Variants in TP53RK observed in about 807,000 individuals in gnomAD.
TP53RK encodes EKC/KEOPS complex subunit TP53RK.
TP53RK carries 17 observed loss-of-function variants against 14.9 expected under a neutral mutation model. The ratio of observed to expected loss-of-function variants is 1.14; its 90% CI spans 0.78 to 1.71. The LOEUF is 1.71. TP53RK is among the 40% of genes most tolerant of loss of function. The pLI is 0.00. For synonymous variants in TP53RK, 131 were observed against 138.0 expected (o/e 0.95, Z 0.36); for missense variants, 343 against 332.0 (o/e 1.03, Z -0.26).
rs1483639297 is a variant in TP53RK at position 46,689,415 on chromosome 20, G to A, written c.-1C>T. On this transcript the variant is annotated 5_prime_UTR_variant, in exon 1 of 2. Transcript: ENST00000372114. ...GCGTAGTAGCTCTGGCCGCCGCCAT[G>A]ACTGCTCGGCGCAACAGCTCCAACC... The A allele has an allele frequency of 3.9e-6, 6 of 1,552,946 alleles. No homozygotes were observed. The highest frequency in any genetic ancestry group is 2.3e-5 in the East Asian group (1 of 43,248).
Position 46,685,655 on chromosome 20 carries a change from T to A in TP53RK, c.*1098A>T, listed in dbSNP as rs1020389579. 2 of 152,232 alleles carry A rather than the reference T, an allele frequency of 1.3e-5. No homozygotes were observed. Among genetic ancestry groups the A allele is most frequent in the Admixed American group, 1.3e-4 (2 of 15,280 alleles). 9.4% of individuals were successfully genotyped at this position (152,232 alleles called of 1,614,324 possible). On this transcript the variant is annotated 3_prime_UTR_variant, in exon 2 of 2. Transcript: ENST00000372114. ...AATATTCTTACAAAAGGACAGGCGC[T>A]GTGTCTGTCTGGCTCACCATTGTAC...
chr20:46,689,389 G>A lies in TP53RK; in HGVS notation c.26C>T (p.Pro9Leu), dbSNP rs956883915. Residue 9 changes from proline to leucine, a missense_variant, in exon 1 of 2, where the codon CCG (proline) becomes CTG (leucine). Coordinates refer to ENST00000372114, the MANE Select transcript of TP53RK (RefSeq NM_033550.4). Reference sequence around the variant, plus strand: ...CGGGGCGGGCTCCTCGCCATCGGCCGGCGTAGTAGCTCTGGCCGCCGCCAT... The same window carrying A: ...CGGGGCGGGCTCCTCGCCATCGGCCAGCGTAGTAGCTCTGGCCGCCGCCAT... MAAARATT[P>L]ADGEEPAPEA... 1.3e-5 allele frequency: 20 copies of A among 1,569,002 alleles called. No individual in the cohort carries two copies. The highest frequency in any genetic ancestry group is 2.3e-5 in the East Asian group (1 of 42,802).
At chr20:46,687,891 G>A (rs191033041) in intron 1 of TP53RK, among the ~76,000 whole-genome samples, 2 of 152,310 alleles carry the variant, frequency 1.3e-5, no homozygotes, top group South Asian at 2.1e-4. Flanking sequence ...TGCTAGCTTC[G>A]AGGTTCATCT....
In TP53RK at chr20:46,687,771, C is replaced by T. The variant is rs929355640; in HGVS notation, c.284-540G>A. Reference sequence around the variant, plus strand: ...AGATTGTGCCACTGCACCACTCCAGCCTGGGTGACAAAGTGAGACACTGTC... The same window carrying T: ...AGATTGTGCCACTGCACCACTCCAGTCTGGGTGACAAAGTGAGACACTGTC... On this transcript the variant is annotated intron_variant, in intron 1 of 1. Coordinates refer to ENST00000372114, the MANE Select transcript of TP53RK (RefSeq NM_033550.4). Among the ~76,000 whole-genome samples, 3 of 152,166 alleles carry T rather than the reference C, an allele frequency of 2.0e-5. No individual in the cohort carries two copies. In the South Asian group the frequency reaches 6.2e-4, roughly 32 times the overall value.
chr20:46,687,240 A>G lies in TP53RK; in HGVS notation c.284-9T>C. 1 of 1,570,086 alleles carries G rather than the reference A, an allele frequency of 6.4e-7. No homozygotes were observed. The highest frequency in any genetic ancestry group is 8.6e-7 in the Non-Finnish European group (1 of 1,158,574). On this transcript the variant is annotated splice_polypyrimidine_tract_variant and intron_variant, in intron 1 of 1. Transcript: ENST00000372114. ...AACTGGGGCAGATATTCCTGAAATC[A>G]AGACATAAGTGGTTATTGGGTTGGA...
rs1020288401 is a variant in TP53RK at position 46,686,322 on chromosome 20, T to C, written c.*431A>G. ...CTATTTCATTTTTTAAAATGCTGGT[T>C]GTATCCCATTAAACTGGTTTCAAAA... On this transcript the variant is annotated 3_prime_UTR_variant, in exon 2 of 2. Coordinates refer to ENST00000372114, the MANE Select transcript of TP53RK (RefSeq NM_033550.4). The C allele has an allele frequency of 6.0e-6, 1 of 167,026 alleles. No individual in the cohort carries two copies. The highest frequency in any genetic ancestry group is 1.3e-5 in the Non-Finnish European group (1 of 76,508). The allele number at this position is 167,026 out of a possible 1,614,324, so 10.3% of individuals were successfully genotyped here. A position where few individuals can be genotyped will look rare whatever the true frequency, so the allele number is the denominator to read the frequency against.
chr20:46,689,334 C>G lies in TP53RK; in HGVS notation c.81G>C (p.Glu27Asp), dbSNP rs2063197167. Residue 27 changes from glutamate to aspartate, a missense_variant, in exon 1 of 2, where the codon GAG becomes GAC. By Grantham distance (45) the Glu-to-Asp change is conservative (BLOSUM62 2). Transcript: ENST00000372114. ...GGCCGCTCAAGAAGCGGCTGCTCCG[C>G]TCCCGGGCTGCGGCCAGAGCCTCAG... Reference protein sequence around the residue: ...PEAEALAAARERSSRFLSGLE... With the variant: ...PEAEALAAARDRSSRFLSGLE... 6.4e-7 allele frequency: 1 copy of G among 1,564,452 alleles called. No individual in the cohort carries two copies. Among genetic ancestry groups the G allele is most frequent in the Non-Finnish European group, 8.6e-7 (1 of 1,164,192 alleles).
At chr20:46,688,546 G>A (rs2063191258) in intron 1 of TP53RK, among the ~76,000 whole-genome samples, 2 of 152,250 alleles carry the variant, frequency 1.3e-5, no homozygotes, top group African/African-American at 4.8e-5. Context: ...CATTTATTGG[G>A]CACTATGTGC....
chr20:46,686,756 C>T lies in TP53RK; in HGVS notation c.759G>A (p.Gly253=), dbSNP rs1466165074. 1.6e-5 allele frequency: 26 copies of T among 1,611,578 alleles called. No individual in the cohort carries two copies. The highest frequency in any genetic ancestry group is 2.0e-5 in the Non-Finnish European group (24 of 1,178,130). The change falls in exon 2 of 2, where the codon GGG becomes GGA. Residue 253 remains glycine, a synonymous_variant. Coordinates refer to ENST00000372114, the MANE Select transcript of TP53RK (RefSeq NM_033550.4). ...RLRGRKRSMV[G] The stretch of plus-strand genomic sequence containing the variant: ...TGTGGTTGTCATACACATTCTTCTA[C>T]CCAACCATGGACCTCTTTCTTCCTC...
chr20:46,687,165 T>A lies in TP53RK; in HGVS notation c.350A>T (p.Glu117Val). The A allele has an allele frequency of 6.2e-7, 1 of 1,613,724 alleles. No homozygotes were observed. The highest frequency in any genetic ancestry group is 8.5e-7 in the Non-Finnish European group (1 of 1,179,768). The change falls in exon 2 of 2, where the codon GAA becomes GTA. Residue 117 changes from glutamate to valine, a missense_variant. Coordinates refer to ENST00000372114, the MANE Select transcript of TP53RK (RefSeq NM_033550.4). ...ATAATCTCGAACAGTCACTGAGCCTTCAATTTCTTCCATATATAAGCAGTT... is the reference window on the plus strand; with the variant it reads ...ATAATCTCGAACAGTCACTGAGCCTACAATTTCTTCCATATATAAGCAGTT... The part of the protein sequence containing the change: ...ASNCLYMEEI[E>V]GSVTVRDYIQ...
rs1455562419 is a variant in TP53RK, at chr20:46,687,183, A to G, written c.332T>C (p.Leu111Ser). Residue 111 changes from leucine (L) to serine (S), a missense_variant, in exon 2 of 2, where the codon TTA becomes TCA. By Grantham distance (145) the Leu-to-Ser change is moderately radical (BLOSUM62 -2). Coordinates refer to ENST00000372114, the MANE Select transcript of TP53RK (RefSeq NM_033550.4). ...TGAGCCTTCAATTTCTTCCATATATAAGCAGTTGGAAGCATAGTCCACAAA... is the reference window on the plus strand; with the variant it reads ...TGAGCCTTCAATTTCTTCCATATATGAGCAGTTGGAAGCATAGTCCACAAA... ...VFFVDYASNCLYMEEIEGSVT... is the reference protein window; with the variant it reads ...VFFVDYASNCSYMEEIEGSVT... The G allele has an allele frequency of 1.9e-6, 3 of 1,608,568 alleles. No individual in the cohort carries two copies. Among genetic ancestry groups the G allele is most frequent in the Non-Finnish European group, 2.6e-6 (3 of 1,176,206 alleles).
intron 1 of TP53RK, among the ~76,000 whole-genome samples, chr20:46,687,518 A>C (rs2063185859): frequency 6.6e-6 from 1 of 152,130 alleles, no homozygotes; most frequent in South Asian, 2.1e-4. Context: ...TCACTCTCTA[A>C]AAAACAAACA....
rs1002009514 is a variant in TP53RK at position 46,685,118 on chromosome 20, T to C, written c.*1635A>G. ...AGGCAATTATATTATTTTTCCTCTCTACTAGTCACAACTACCCAGGAAGGG... is the reference window on the plus strand; with the variant it reads ...AGGCAATTATATTATTTTTCCTCTCCACTAGTCACAACTACCCAGGAAGGG... On this transcript the variant is annotated 3_prime_UTR_variant, in exon 2 of 2. Transcript: ENST00000372114. The C allele has an allele frequency of 6.6e-6, 1 of 152,242 alleles. No individual in the cohort carries two copies. The highest frequency in any genetic ancestry group is 2.4e-5 in the African/African-American group (1 of 41,462). The allele number at this position is 152,242 out of a possible 1,614,324, so 9.4% of individuals were successfully genotyped here. A position where few individuals can be genotyped will look rare whatever the true frequency, so the allele number is the denominator to read the frequency against.
In TP53RK at chr20:46,685,565, A is replaced by G. The variant is rs2063176855; in HGVS notation, c.*1188T>C. 1 of 152,248 alleles carries G rather than the reference A, an allele frequency of 6.6e-6. No homozygotes were observed. The highest frequency in any genetic ancestry group is 2.1e-4 in the South Asian group (1 of 4,830). The allele number at this position is 152,248 out of a possible 1,614,324, so 9.4% of individuals were successfully genotyped here. On this transcript the variant is annotated 3_prime_UTR_variant, in exon 2 of 2. Transcript: ENST00000372114. ...GATGGGTGTTAATTAGCTCAGCTGT[A>G]GCAATCATTTCATAATGTATATCAA...
chr20:46,689,237 T>C lies in TP53RK; in HGVS notation c.178A>G (p.Lys60Glu). The change falls in exon 1 of 2, where the codon AAG (lysine) becomes GAG (glutamate). Residue 60 changes from lysine (K) to glutamate (E), a missense_variant. Transcript: ENST00000372114. ...GRFQGRAAVI[K>E]HRFPKGYRHP... is the part of the protein sequence containing the mutation. The stretch of plus-strand genomic sequence containing the variant: ...CGGTAGCCCTTGGGGAAGCGGTGCT[T>C]GATCACCGCCGCGCGGCCCTGGAAG... The C allele has an allele frequency of 6.5e-7, 1 of 1,531,472 alleles. No homozygotes were observed. The highest frequency in any genetic ancestry group is 2.5e-5 in the East Asian group (1 of 40,678). 94.9% of individuals were successfully genotyped at this position (1,531,472 alleles called of 1,614,324 possible).
Position 46,689,255 on chromosome 20 carries a change from C to A in TP53RK, c.160G>T (p.Gly54Cys). 1 of 1,535,166 alleles carries A rather than the reference C, an allele frequency of 6.5e-7. No individual in the cohort carries two copies. The change falls in exon 1 of 2, where the codon GGC (glycine) becomes TGC (cysteine). Residue 54 changes from glycine (G) to cysteine (C), a missense_variant. Gly to Cys is a radical substitution (Grantham distance 159, BLOSUM62 -3). Coordinates refer to ENST00000372114, the MANE Select transcript of TP53RK (RefSeq NM_033550.4). ...CGGTGCTTGATCACCGCCGCGCGGC[C>A]CTGGAAGCGGCCACGGAACACGCGC... ...EARVFRGRFQ[G>C]RAAVIKHRFP...
rs1276201782 is a variant in TP53RK at position 46,684,468 on chromosome 20, C to T, written c.*2285G>A. 6.6e-6 allele frequency: 1 copy of T among 152,224 alleles called. No individual in the cohort carries two copies. Among genetic ancestry groups the T allele is most frequent in the Non-Finnish European group, 1.5e-5 (1 of 68,050 alleles). 9.4% of individuals were successfully genotyped at this position (152,224 alleles called of 1,614,324 possible). ...ATGGGGAAACAAACACACCCTTCTC[C>T]ACGTGGCAGCAGGAAGTGCCGAACA... On this transcript the variant is annotated 3_prime_UTR_variant, in exon 2 of 2. Transcript: ENST00000372114.
rs1050272021 is a variant in TP53RK at position 46,686,612 on chromosome 20, T to G, written c.*141A>C. The G allele has an allele frequency of 4.5e-5, 33 of 740,572 alleles. No individual in the cohort carries two copies. The highest frequency in any genetic ancestry group is 6.8e-5 in the Non-Finnish European group (30 of 443,044). 45.9% of individuals were successfully genotyped at this position (740,572 alleles called of 1,614,324 possible). A position where few individuals can be genotyped will look rare whatever the true frequency, so the allele number is the denominator to read the frequency against. On this transcript the variant is annotated 3_prime_UTR_variant, in exon 2 of 2. Coordinates refer to ENST00000372114, the MANE Select transcript of TP53RK (RefSeq NM_033550.4). ...ACACATAGTAAGCTCTTGAGTGAAG[T>G]GCAGATGATAATGACACGATCACAT...
Position 46,687,219 on chromosome 20 carries a change from G to C in TP53RK, c.296C>G (p.Pro99Arg), listed in dbSNP as rs1430396787. ...LRCRRAGISA[P>R]VVFFVDYASN... is the part of the protein sequence containing the mutation. ...AGCATAGTCCACAAAAAAGACAACT[G>C]GGGCAGATATTCCTGAAATCAAGAC... Residue 99 changes from proline to arginine, a missense_variant, in exon 2 of 2, where the codon CCA (proline) becomes CGA (arginine). Pro to Arg is a moderately radical substitution (Grantham distance 103). Coordinates refer to ENST00000372114, the MANE Select transcript of TP53RK (RefSeq NM_033550.4). 1.3e-6 allele frequency: 2 copies of C among 1,582,412 alleles called. No homozygotes were observed. The highest frequency in any genetic ancestry group is 2.7e-5 in the African/African-American group (2 of 73,582).
Sources: allele counts gnomAD v4.1 joint callset (sites outside exome capture counted in the v4.1 genomes callset), GRCh38; gene constraint gnomAD v4.1.1; transcripts MANE v1.5; gene names NCBI Gene and HGNC (gene_info 2026-07-23, HGNC 2026-07-21).